SH2D1A: variants seen among roughly 807,000 people sequenced by gnomAD.
SH2D1A encodes the protein SH2 domain containing 1A.
A neutral mutation model predicts 10.1 loss-of-function variants in SH2D1A; 6 were observed. That is an observed-to-expected ratio of 0.60 (90% CI 0.33 to 1.18). SH2D1A has a LOEUF of 1.18. Ranked by LOEUF, SH2D1A falls within the 50% of genes most tolerant of loss-of-function variation. The pLI is 0.04. For missense variants in SH2D1A, 51 were observed against 97.6 expected, an observed-to-expected ratio of 0.52 and a Z score of 2.01; for synonymous variants, 42 against 36.9, an observed-to-expected ratio of 1.14 and a Z score of -0.51.
chrX:124,363,890 C>CAAAAAAAAAAAA (rs1211666787), intron 1 of SH2D1A, among the ~76,000 whole-genome samples: 21 of 33,275 alleles, frequency 6.3e-4, no homozygotes, highest in Admixed American at 1.2e-3. Context: ...GACTCTATCT[C>CAAAAAAAAAAAA]AAAAAAAAAA....
chrX:124,357,294 C>G (rs1404124185), intron 1 of SH2D1A, among the ~76,000 whole-genome samples: 1 of 112,173 alleles, frequency 8.9e-6, no homozygotes, highest in Admixed American at 9.4e-5. Flanking sequence ...CCATATTCAT[C>G]CATGTTGTTG....
At chrX:124,363,215 A>G (rs1479185747) in intron 1 of SH2D1A, among the ~76,000 whole-genome samples, 5 of 111,784 alleles carry the variant, frequency 4.5e-5, no homozygotes, top group Non-Finnish European at 9.4e-5. Context: ...ACCCCATTTA[A>G]AAGGATAAGC....
intron 1 of SH2D1A, among the ~76,000 whole-genome samples, chrX:124,354,938 G>A (rs977277148): frequency 1.2e-4 from 13 of 112,183 alleles, no homozygotes; most frequent in African/African-American, 4.2e-4. Flanking sequence ...AAAGAATAAA[G>A]TTTGGGCCAT....
chrX:124,365,929 T>C lies in SH2D1A; in HGVS notation c.201+105T>C. The C allele has an allele frequency of 5.5e-6, 3 of 546,212 alleles. No homozygotes were observed. The South Asian group carries it at 7.7e-5, about 14-fold the overall frequency. The allele number at this position is 546,212 out of a possible 1,213,427, so 45.0% of individuals were successfully genotyped here. On this transcript the variant is annotated intron_variant, in intron 2 of 3. Transcript: ENST00000371139. ...TATACATTATTAAGTATTCATAAGG[T>C]TTAAATCTCTAAAGCTCCAATCCAA...
intron 1 of SH2D1A, among the ~76,000 whole-genome samples, chrX:124,360,154 C>T (rs1039634102): frequency 2.7e-5 from 3 of 111,048 alleles, no homozygotes; most frequent in Non-Finnish European, 3.8e-5. Flanking sequence ...GATCTGCCCA[C>T]CTCAGCCACC....
At chrX:124,369,240 T>TA (rs375516110) in intron 2 of SH2D1A, among the ~76,000 whole-genome samples, 63 of 107,000 alleles carry the variant, frequency 5.9e-4, no homozygotes, top group African/African-American at 9.8e-4. Context: ...AAAAACAACT[T>TA]AAAAAAAAAA....
chrX:124,346,637 C>G lies in SH2D1A; in HGVS notation c.-6C>G. 1.7e-6 allele frequency: 2 copies of G among 1,211,613 alleles called. No individual in the cohort carries two copies. Among genetic ancestry groups the G allele is most frequent in the Non-Finnish European group, 2.2e-6 (2 of 895,116 alleles). ...CTCCTCGGCCTGCCCAAGAGTCCACCAGGCCATGGACGCAGTGGCTGTGTA... is the reference window on the plus strand; with the variant it reads ...CTCCTCGGCCTGCCCAAGAGTCCACGAGGCCATGGACGCAGTGGCTGTGTA... On this transcript the variant is annotated 5_prime_UTR_variant, in exon 1 of 4. Transcript: ENST00000371139.
At chrX:124,354,557 A>C (rs749318168) in intron 1 of SH2D1A, among the ~76,000 whole-genome samples, 2 of 111,327 alleles carry the variant, frequency 1.8e-5, no homozygotes, top group Non-Finnish European at 3.8e-5. Flanking sequence ...CCCAGCTCTG[A>C]CCCTTAACTA....
At chrX:124,351,604 A>T (rs2060015283) in intron 1 of SH2D1A, among the ~76,000 whole-genome samples, 1 of 110,502 alleles carries the variant, frequency 9.0e-6, no homozygotes, top group East Asian at 2.8e-4. Context: ...TTTTCCCTTG[A>T]CATTTGGCCT....
At chrX:124,367,888 T>C (rs2060059749) in intron 2 of SH2D1A, among the ~76,000 whole-genome samples, 2 of 112,108 alleles carry the variant, frequency 1.8e-5, no homozygotes, top group Admixed American at 9.5e-5. Flanking sequence ...GGCAATACAT[T>C]ATTAAAAATG....
chrX:124,370,924 A>T (rs1487517192), intron 3 of SH2D1A, among the ~76,000 whole-genome samples: 1 of 112,265 alleles, frequency 8.9e-6, no homozygotes, highest in East Asian at 2.8e-4. Flanking sequence ...CAATGTCTGT[A>T]GCTATCTGAT....
At chrX:124,362,020 A>G (rs1413997804) in intron 1 of SH2D1A, among the ~76,000 whole-genome samples, 1 of 112,216 alleles carries the variant, frequency 8.9e-6, no homozygotes, top group East Asian at 2.8e-4. Context: ...TCTGAGCAGA[A>G]GTCAGGAATA....
chrX:124,372,245 A>G lies in SH2D1A; in HGVS notation c.*854A>G, dbSNP rs1397426753. Reference sequence around the variant, plus strand: ...AAACCACTGGAAAGTTTATGGTTGTATTATTTTTTAAAAAAATTCCAAGTG... The same window carrying G: ...AAACCACTGGAAAGTTTATGGTTGTGTTATTTTTTAAAAAAATTCCAAGTG... On this transcript the variant is annotated 3_prime_UTR_variant, in exon 4 of 4. Transcript: ENST00000371139. The G allele has an allele frequency of 1.2e-5, 2 of 164,863 alleles. No homozygotes were observed. Among genetic ancestry groups the G allele is most frequent in the Non-Finnish European group, 2.3e-5 (2 of 85,954 alleles). The allele number at this position is 164,863 out of a possible 1,213,427, so 13.6% of individuals were successfully genotyped here.
At chrX:124,363,149 A>G (rs937724632) in intron 1 of SH2D1A, among the ~76,000 whole-genome samples, 1 of 111,970 alleles carries the variant, frequency 8.9e-6, no homozygotes, top group Non-Finnish European at 1.9e-5. Flanking sequence ...TGTAGTAGAA[A>G]TCAATTAGAC....
chrX:124,357,784 T>A (rs919295180), intron 1 of SH2D1A, among the ~76,000 whole-genome samples: 8 of 111,388 alleles, frequency 7.2e-5, no homozygotes, highest in Admixed American at 1.9e-4. Context: ...TATTTTCTTT[T>A]GAGAAATGTC....
At chrX:124,351,037 TA>T (rs1457589516) in intron 1 of SH2D1A, among the ~76,000 whole-genome samples, 6 of 89,823 alleles carry the variant, frequency 6.7e-5, no homozygotes, top group Admixed American at 1.4e-4. Flanking sequence ...TAAATATATA[TA>T]TTTTATATAT....
chrX:124,352,433 T>A (rs1437186202), intron 1 of SH2D1A, among the ~76,000 whole-genome samples: 2 of 111,678 alleles, frequency 1.8e-5, no homozygotes, highest in Admixed American at 1.9e-4. Context: ...ATCTGTTGGT[T>A]CTTCAAAATG....
At position 124,350,943 on chromosome X, in the gene SH2D1A, TAA is replaced by T. The variant is rs746729054; in HGVS notation, c.137+4165_137+4166del. On this transcript the variant is annotated intron_variant, in intron 1 of 3. Transcript: ENST00000371139. Reference sequence around the variant, plus strand: ...TATAAGATATATTATATATTGTATATAAGATATAATATATTATATATTGTATA... The same window carrying T: ...TATAAGATATATTATATATTGTATATGATATAATATATTATATATTGTATA... 1.4e-4 allele frequency among the ~76,000 whole-genome samples: 10 copies of T among 73,366 alleles called. No homozygotes were observed. The South Asian group carries it at 6.4e-3, about 47-fold the overall frequency. 63.7% of individuals were successfully genotyped at this position (73,366 alleles called of 115,157 possible). A position where few individuals can be genotyped will look rare whatever the true frequency, so the allele number is the denominator to read the frequency against.
At position 124,346,729 on chromosome X, in the gene SH2D1A, T is replaced by C; in HGVS notation, c.87T>C (p.Tyr29=). The C allele has an allele frequency of 8.3e-7, 1 of 1,211,676 alleles. No homozygotes were observed. The highest frequency in any genetic ancestry group is 1.1e-6 in the Non-Finnish European group (1 of 895,293). The change falls in exon 1 of 4, where the codon TAT becomes TAC. Residue 29 remains tyrosine (Y), a synonymous_variant. Coordinates refer to ENST00000371139, the MANE Select transcript of SH2D1A (RefSeq NM_002351.5). Reference sequence around the variant, plus strand: ...TTGCCACTGGGCTGGATGGCAGCTATTTGCTGAGGGACAGCGAGAGCGTGC... The same window carrying C: ...TTGCCACTGGGCTGGATGGCAGCTACTTGCTGAGGGACAGCGAGAGCGTGC... ...LLLATGLDGS[Y]LLRDSESVPG... is the part of the protein sequence containing the mutation.
Sources: gnomAD v4.1 joint callset for allele counts (sites outside exome capture counted in the v4.1 genomes callset) on GRCh38, gnomAD v4.1.1 for gene constraint, MANE v1.5 for transcripts, NCBI Gene and HGNC (gene_info 2026-07-23, HGNC 2026-07-21) for gene names.